The following ANK3 variants were observed in gnomAD, a reference collection of about 807,000 sequenced individuals.
The protein encoded by ANK3 is ankyrin-3.
ANK3 carries 57 observed loss-of-function variants against 370.9 expected under a neutral mutation model. The observed-to-expected ratio is 0.15, with a 90% CI of 0.12 to 0.19. ANK3 has a LOEUF of 0.19. Ranked by LOEUF, ANK3 falls within the 10% of genes least tolerant of loss-of-function variation. The pLI, the probability that ANK3 is intolerant of heterozygous loss-of-function variation, is 1.00. For missense variants in ANK3, 4,439 were observed against 5,302.1 expected (o/e 0.84, Z 5.06); for synonymous variants, 1,929 against 1,946.3 (o/e 0.99, Z 0.23).
At chr10:60,212,664 A>C (rs146723093) in intron 9 of ANK3, among the ~76,000 whole-genome samples, 1 of 152,248 alleles carries the variant, frequency 6.6e-6, no homozygotes, top group East Asian at 1.9e-4. Context: ...TTGAGGAAAC[A>C]CTGACCAGAG....
At chr10:60,552,837 G>A (rs2077118724) in intron 2 of ANK3, among the ~76,000 whole-genome samples, 1 of 152,124 alleles carries the variant, frequency 6.6e-6, no homozygotes, top group African/African-American at 2.4e-5. Context: ...GAATCATGGG[G>A]GTGGGTCTTT....
At chr10:60,456,200 A>G (rs1026816245) in intron 2 of ANK3, among the ~76,000 whole-genome samples, 4 of 152,204 alleles carry the variant, frequency 2.6e-5, no homozygotes, top group Non-Finnish European at 5.9e-5. Context: ...CCAGGGAAGT[A>G]AAATGCCTGT....
intron 23 of ANK3, among the ~76,000 whole-genome samples, chr10:60,161,963 A>G (rs886195926): frequency 6.6e-6 from 1 of 152,210 alleles, no homozygotes; most frequent in Non-Finnish European, 1.5e-5. Flanking sequence ...AGATATCCCA[A>G]TTACTCTGAT....
intron 2 of ANK3, among the ~76,000 whole-genome samples, chr10:60,467,639 T>C (rs967904402): frequency 1.3e-5 from 2 of 152,160 alleles, no homozygotes; most frequent in Non-Finnish European, 2.9e-5. Flanking sequence ...AAATACATTC[T>C]TTTTTTATAA....
intron 1 of ANK3, among the ~76,000 whole-genome samples, chr10:60,388,420 C>T (rs1215242963): frequency 1.3e-5 from 2 of 152,168 alleles, no homozygotes; most frequent in Non-Finnish European, 2.9e-5. Flanking sequence ...AAGCACATGC[C>T]TTACTGCTCA....
intron 1 of ANK3, among the ~76,000 whole-genome samples, chr10:60,731,726 C>A (rs553410123): frequency 3.9e-5 from 6 of 152,370 alleles, no homozygotes; most frequent in Admixed American, 3.9e-4. Flanking sequence ...GCTGCCTGAA[C>A]TGCTAAAGCA....
At chr10:60,599,717 A>C (rs2078034531) in intron 2 of ANK3, among the ~76,000 whole-genome samples, 2 of 152,158 alleles carry the variant, frequency 1.3e-5, no homozygotes, top group African/African-American at 4.8e-5. Context: ...TTTTCCATAC[A>C]GCAGCTAGAA....
intron 10 of ANK3, among the ~76,000 whole-genome samples, chr10:60,206,461 G>A (rs964739793): frequency 5.9e-5 from 9 of 152,138 alleles, no homozygotes; most frequent in Non-Finnish European, 1.2e-4. Flanking sequence ...CAACAAGAGC[G>A]AAACTCTGTT....
chr10:60,611,189 C>T (rs116806140), intron 2 of ANK3, among the ~76,000 whole-genome samples: 152 of 152,252 alleles, frequency 1.0e-3, no homozygotes, highest in African/African-American at 3.4e-3. Flanking sequence ...AATACATCTT[C>T]CTCAAACATC....
At chr10:60,603,379 A>G (rs973181044) in intron 2 of ANK3, among the ~76,000 whole-genome samples, 1 of 152,170 alleles carries the variant, frequency 6.6e-6, no homozygotes, top group Non-Finnish European at 1.5e-5. Flanking sequence ...GCATCATGCA[A>G]TGAAGTGCTA....
At chr10:60,243,428 A>T (rs1243770949) in intron 7 of ANK3, among the ~76,000 whole-genome samples, 2 of 152,268 alleles carry the variant, frequency 1.3e-5, no homozygotes, top group East Asian at 3.9e-4. Flanking sequence ...CCTGAACTGG[A>T]CATGCATACT....
intron 1 of ANK3, among the ~76,000 whole-genome samples, chr10:60,703,669 G>A (rs1298318174): frequency 6.6e-6 from 1 of 151,990 alleles, no homozygotes; most frequent in Non-Finnish European, 1.5e-5. Flanking sequence ...CAAAAATACC[G>A]AAAAGCATAA....
intron 2 of ANK3, among the ~76,000 whole-genome samples, chr10:60,503,126 G>A (rs1183452343): frequency 2.6e-5 from 4 of 152,122 alleles, no homozygotes; most frequent in Non-Finnish European, 5.9e-5. Context: ...GGATTCTGTT[G>A]ACATGCTGCT....
chr10:60,134,374 C>T lies in ANK3; in HGVS notation c.2739-1G>A, dbSNP rs1307134367. ...CCTATCCGAACTGAAGGAGCGGAGG[C>T]TGTTGTATTTACAGTTAACCATTCA... is the stretch of plus-strand genomic sequence containing the variant. On this transcript the variant is annotated splice_acceptor_variant, in intron 24 of 43. Coordinates refer to ENST00000280772, the MANE Select transcript of ANK3 (RefSeq NM_020987.5). LOFTEE classifies it high-confidence loss of function. The T allele has an allele frequency of 6.2e-7, 1 of 1,611,052 alleles. No individual in the cohort carries two copies. The highest frequency in any genetic ancestry group is 8.5e-7 in the Non-Finnish European group (1 of 1,178,702).
Position 60,084,769 on chromosome 10 carries a change from T to G in ANK3, c.3907A>C (p.Arg1303=), listed in dbSNP as rs1425482771. Residue 1303 remains arginine, a synonymous_variant, in exon 32 of 44, where the codon AGA becomes CGA. Coordinates refer to ENST00000280772, the MANE Select transcript of ANK3 (RefSeq NM_020987.5). The part of the protein sequence containing the change: ...ETVGLATQLY[R]ELICVPYMAK... ...ATATATGGAACACATATCAATTCTCTGTACAGTTGCGTGGCTAACCCCACA... is the reference window on the plus strand; with the variant it reads ...ATATATGGAACACATATCAATTCTCGGTACAGTTGCGTGGCTAACCCCACA... 4 of 1,603,434 alleles carry G rather than the reference T, an allele frequency of 2.5e-6. No individual in the cohort carries two copies. In the South Asian group the frequency reaches 3.4e-5, roughly 14 times the overall value.
intron 41 of ANK3, 109 bp downstream of exon 41, chr10:60,059,231 C>A: frequency 3.2e-6 from 3 of 934,086 alleles, no homozygotes; most frequent in African/African-American, 1.6e-5. Context: ...GGTTTTATCC[C>A]AGAACTAGAA....
At chr10:60,187,032 TTAAG>T (rs2096356527) in intron 16 of ANK3, 120 bp from the exon 17 acceptor site, 2 of 972,400 alleles carry the variant, frequency 2.1e-6, no homozygotes, top group Non-Finnish European at 3.1e-6. Flanking sequence ...GAAATCATGA[TTAAG>T]TAAGCAAATA....
chr10:60,368,859 A>G (rs2059743033), intron 1 of ANK3, among the ~76,000 whole-genome samples: 1 of 152,220 alleles, frequency 6.6e-6, no homozygotes. Flanking sequence ...TCAGTCTGAC[A>G]TATAACCTCT....
At chr10:60,589,771 C>T (rs2077884336) in intron 2 of ANK3, among the ~76,000 whole-genome samples, 1 of 152,206 alleles carries the variant, frequency 6.6e-6, no homozygotes, top group African/African-American at 2.4e-5. Context: ...GAAAAAGATT[C>T]CATTGGCTAT....
Sources: allele counts gnomAD v4.1 joint callset (sites outside exome capture counted in the v4.1 genomes callset), GRCh38; gene constraint gnomAD v4.1.1; transcripts MANE v1.5; gene names NCBI Gene and HGNC (gene_info 2026-07-23, HGNC 2026-07-21).